Variants in CYP7B1 observed in about 807,000 individuals in gnomAD.
The protein encoded by CYP7B1 is cytochrome P450 family 7 subfamily B member 1.
In CYP7B1, 29 loss-of-function variants were observed where a neutral mutation model predicts 42.7. The observed-to-expected ratio is 0.68, with a 90% CI of 0.51 to 0.93. The LOEUF is 0.93. Among genes scored for constraint, CYP7B1 ranks in the 40% least tolerant of loss-of-function variants. The pLI is 0.00. For synonymous variants in CYP7B1, 235 were observed against 218.2 expected, an observed-to-expected ratio of 1.08 and a Z score of -0.68; for missense variants, 655 against 600.5, an observed-to-expected ratio of 1.09 and a Z score of -0.95.
intron 1 of CYP7B1, among the ~76,000 whole-genome samples, chr8:64,695,516 A>C (rs560599547): frequency 6.7e-6 from 1 of 150,338 alleles, no homozygotes; most frequent in Non-Finnish European, 1.5e-5. Context: ...AATCTCTGTT[A>C]TTTTAAGGAA....
chr8:64,757,394 C>G (rs997047070), intron 1 of CYP7B1, among the ~76,000 whole-genome samples: 3 of 152,134 alleles, frequency 2.0e-5, no homozygotes, highest in Admixed American at 1.3e-4. Context: ...CATGCTTATG[C>G]TTTTATACAT....
chr8:64,708,567 T>C (rs1038249066), intron 1 of CYP7B1, among the ~76,000 whole-genome samples: 2 of 152,226 alleles, frequency 1.3e-5, no homozygotes, highest in African/African-American at 4.8e-5. Context: ...TTATGTGCTA[T>C]GATATCAGCT....
At chr8:64,769,321 G>A (rs2129636441) in intron 1 of CYP7B1, among the ~76,000 whole-genome samples, 1 of 152,196 alleles carries the variant, frequency 6.6e-6, no homozygotes, top group African/African-American at 2.4e-5. Flanking sequence ...TATACCTTGA[G>A]ACAATAGTAA....
intron 2 of CYP7B1, among the ~76,000 whole-genome samples, chr8:64,620,006 A>AC (rs1585811349): frequency 6.6e-6 from 1 of 151,790 alleles, no homozygotes; most frequent in Non-Finnish European, 1.5e-5. Context: ...ACATAGGGAG[A>AC]CCCCACCTCT....
downstream of CYP7B1, among the ~76,000 whole-genome samples, chr8:64,589,998 A>C (rs990204895): frequency 5.3e-5 from 8 of 152,380 alleles, no homozygotes; most frequent in African/African-American, 1.9e-4. Context: ...ACTTTTCAAA[A>C]AACACAGCAC....
At chr8:64,651,189 CAG>C (rs1335008787) in intron 1 of CYP7B1, among the ~76,000 whole-genome samples, 1 of 152,202 alleles carries the variant, frequency 6.6e-6, no homozygotes, top group Non-Finnish European at 1.5e-5. Flanking sequence ...TCTTCTCTGA[CAG>C]AGCTGAGAAA....
At chr8:64,668,723 A>AC (rs1213151110) in intron 1 of CYP7B1, among the ~76,000 whole-genome samples, 1 of 142,036 alleles carries the variant, frequency 7.0e-6, no homozygotes, top group Non-Finnish European at 1.6e-5. Flanking sequence ...AAGCATATTG[A>AC]CCAAAAAAAA....
At chr8:64,654,461 C>T (rs1380817530) in intron 1 of CYP7B1, among the ~76,000 whole-genome samples, 1 of 152,076 alleles carries the variant, frequency 6.6e-6, no homozygotes, top group African/African-American at 2.4e-5. Context: ...ATATAACTAA[C>T]CAGGGAGGTG....
chr8:64,685,933 A>C (rs1241942697), intron 1 of CYP7B1, among the ~76,000 whole-genome samples: 1 of 29,180 alleles, frequency 3.4e-5, no homozygotes, highest in Non-Finnish European at 6.6e-5. Flanking sequence ...TGGGGGGGTC[A>C]GCCCCCCGCC....
chr8:64,769,535 AC>A (rs1339174299), intron 1 of CYP7B1, among the ~76,000 whole-genome samples: 1 of 152,114 alleles, frequency 6.6e-6, no homozygotes, highest in Non-Finnish European at 1.5e-5. Context: ...TTTTCTAAAG[AC>A]TTTTTTACCC....
Position 64,594,049 on chromosome 8 carries a change from C to T in CYP7B1, c.*2593G>A, listed in dbSNP as rs904937976. Among the ~76,000 whole-genome samples the T allele has an allele frequency of 3.3e-5, 5 of 149,540 alleles. No individual in the cohort carries two copies. Among genetic ancestry groups the T allele is most frequent in the Non-Finnish European group, 3.0e-5 (2 of 67,432 alleles). On this transcript the variant is annotated 3_prime_UTR_variant, in exon 6 of 6. Coordinates refer to ENST00000310193, the MANE Select transcript of CYP7B1 (RefSeq NM_004820.5). ...GGATTGGATGGATCTGAGGATGGGA[C>T]ATAACAAATTTAGAACATCTTAGGA...
chr8:64,762,355 T>C (rs1251421705), intron 1 of CYP7B1, among the ~76,000 whole-genome samples: 1 of 152,204 alleles, frequency 6.6e-6, no homozygotes, highest in Non-Finnish European at 1.5e-5. Context: ...GATTTTCTCT[T>C]CTGACTTGTC....
At position 64,736,199 on chromosome 8, in the gene CYP7B1, G is replaced by A. The variant is rs772267676; in HGVS notation, c.122+62267C>T. Among the ~76,000 whole-genome samples, 3 of 152,104 alleles carry A rather than the reference G, an allele frequency of 2.0e-5. 1 individual carries two copies. Among genetic ancestry groups the A allele is most frequent in the African/African-American group, 7.2e-5 (3 of 41,494 alleles). On this transcript the variant is annotated intron_variant, in intron 1 of 5. Coordinates refer to ENST00000310193, the MANE Select transcript of CYP7B1 (RefSeq NM_004820.5). ...TAGATCTTGATTTTGCCATTTCCAC[G>A]AGAAAAACACCCATATAAATCCCAA...
chr8:64,790,531 T>C (rs1804600395), intron 1 of CYP7B1, among the ~76,000 whole-genome samples: 1 of 152,222 alleles, frequency 6.6e-6, no homozygotes. Context: ...CATGCTTAGC[T>C]GTATGAGAGA....
At chr8:64,731,080 G>A (rs1227317417) in intron 1 of CYP7B1, among the ~76,000 whole-genome samples, 2 of 152,168 alleles carry the variant, frequency 1.3e-5, no homozygotes, top group South Asian at 2.1e-4. Flanking sequence ...ATTCTGAACT[G>A]TGAGTTAATT....
intron 1 of CYP7B1, among the ~76,000 whole-genome samples, chr8:64,722,125 T>C (rs114007980): frequency 3.9e-5 from 6 of 152,238 alleles, no homozygotes; most frequent in Admixed American, 1.3e-4. Context: ...AAAGCTGCCA[T>C]ACATCATGCT....
At chr8:64,628,236 T>G (rs997193495) in intron 1 of CYP7B1, among the ~76,000 whole-genome samples, 4 of 152,202 alleles carry the variant, frequency 2.6e-5, no homozygotes, top group African/African-American at 7.2e-5. Context: ...TCTTGATAAC[T>G]AAACCCAAGT....
intron 1 of CYP7B1, among the ~76,000 whole-genome samples, chr8:64,652,769 G>A (rs1285355457): frequency 5.3e-5 from 8 of 152,210 alleles, no homozygotes; most frequent in South Asian, 2.1e-4. Context: ...GCGTGAACCC[G>A]GGAGGCAGAG....
At chr8:64,681,491 T>C (rs1344374508) in intron 1 of CYP7B1, among the ~76,000 whole-genome samples, 1 of 152,216 alleles carries the variant, frequency 6.6e-6, no homozygotes, top group Non-Finnish European at 1.5e-5. Flanking sequence ...TGACAACTAT[T>C]GTAAGGCAGA....
Sources: allele counts gnomAD v4.1 joint callset (sites outside exome capture counted in the v4.1 genomes callset), GRCh38; gene constraint gnomAD v4.1.1; transcripts MANE v1.5; gene names NCBI Gene and HGNC (gene_info 2026-07-23, HGNC 2026-07-21).